Variants in DLGAP2 observed in about 807,000 individuals in gnomAD.
DLGAP2 encodes DLG associated protein 2.
DLGAP2 carries 26 observed loss-of-function variants against 100.3 expected under a neutral mutation model. The ratio of observed to expected loss-of-function variants is 0.26; its 90% confidence interval spans 0.19 to 0.36. DLGAP2 has a LOEUF of 0.36. DLGAP2 is among the 10% of genes least tolerant of loss of function. The pLI is 1.00. For synonymous variants in DLGAP2, 886 were observed against 630.1 expected (o/e 1.41, Z -6.08); for missense variants, 1,858 against 1,453.2 (o/e 1.28, Z -4.53).
intron 1 of DLGAP2, among the ~76,000 whole-genome samples, chr8:830,601 C>T (rs139282075): frequency 1.3e-3 from 192 of 152,228 alleles, no homozygotes; most frequent in Non-Finnish European, 1.9e-3. Context: ...ATTTAAGTTA[C>T]GGGTGCTACT....
At chr8:1,026,297 C>T (rs538811095) in intron 2 of DLGAP2, among the ~76,000 whole-genome samples, 3 of 152,208 alleles carry the variant, frequency 2.0e-5, no homozygotes, top group South Asian at 2.1e-4. Flanking sequence ...ATGACCCCAA[C>T]GCTTTGCTCT....
intron 2 of DLGAP2, among the ~76,000 whole-genome samples, chr8:1,110,399 TGAGGTGTGCATGGGTCTGA>T (rs1804915222): frequency 6.8e-6 from 1 of 148,098 alleles, no homozygotes; most frequent in Admixed American, 6.7e-5. Context: ...GCTGGATCTG[TGAGGTGTGCATGGGTCTGA>T]GAGGTGTGCA....
At chr8:1,460,149 C>A (rs756260042) in intron 3 of DLGAP2, among the ~76,000 whole-genome samples, 7 of 152,334 alleles carry the variant, frequency 4.6e-5, no homozygotes, top group Non-Finnish European at 7.3e-5. Context: ...TCTGTCCACA[C>A]CATGCTTCCT....
intron 2 of DLGAP2, among the ~76,000 whole-genome samples, chr8:1,238,257 CTCACATGGTACCGTGTCTAGT>C (rs1563272388): frequency 2.8e-4 from 16 of 57,066 alleles, no homozygotes; most frequent in African/African-American, 1.2e-3. Flanking sequence ...GTCTAGTTCT[CTCACATGGTACCGTGTCTAGT>C]TCTCTCACAT....
At chr8:1,665,347 A>T (rs914082782) in intron 8 of DLGAP2, among the ~76,000 whole-genome samples, 2 of 152,194 alleles carry the variant, frequency 1.3e-5, no homozygotes, top group African/African-American at 2.4e-5. Flanking sequence ...GCATTTGCTC[A>T]AATTTTCTGG....
chr8:1,218,075 T>C (rs1365727998), intron 2 of DLGAP2, among the ~76,000 whole-genome samples: 5 of 152,230 alleles, frequency 3.3e-5, no homozygotes, highest in African/African-American at 9.6e-5. Context: ...TAGTTTCTTT[T>C]TCTATGCAGA....
At chr8:1,683,376 A>T (rs1799008673) in intron 12 of DLGAP2, among the ~76,000 whole-genome samples, 1 of 151,548 alleles carries the variant, frequency 6.6e-6, no homozygotes, top group Admixed American at 6.6e-5. Flanking sequence ...CTTCCTCTGG[A>T]GGAAGATCTT....
At chr8:1,222,633 G>T (rs1036027840) in intron 2 of DLGAP2, among the ~76,000 whole-genome samples, 1 of 151,958 alleles carries the variant, frequency 6.6e-6, no homozygotes, top group Admixed American at 6.6e-5. Context: ...GCAGGTGGGT[G>T]TACACGGTGG....
intron 4 of DLGAP2, among the ~76,000 whole-genome samples, chr8:1,530,203 C>G (rs990102733): frequency 2.6e-5 from 4 of 152,148 alleles, no homozygotes; most frequent in African/African-American, 9.7e-5. Flanking sequence ...CCCCTACAGT[C>G]TCAACCACAG....
At chr8:970,472 T>C (rs886346869) in intron 2 of DLGAP2, among the ~76,000 whole-genome samples, 10 of 152,210 alleles carry the variant, frequency 6.6e-5, no homozygotes, top group African/African-American at 2.4e-4. Flanking sequence ...ATTCTTATCA[T>C]GACTTTCCCT....
At chr8:1,675,823 G>T (rs891844613) in intron 10 of DLGAP2, among the ~76,000 whole-genome samples, 1 of 151,116 alleles carries the variant, frequency 6.6e-6, no homozygotes, top group Admixed American at 6.6e-5. Context: ...ACTTGGTTTG[G>T]TTTTGTTTTT....
At chr8:1,113,566 G>A (rs1805025941) in intron 2 of DLGAP2, among the ~76,000 whole-genome samples, 1 of 152,132 alleles carries the variant, frequency 6.6e-6, no homozygotes, top group Non-Finnish European at 1.5e-5. Flanking sequence ...TGCAACTCTG[G>A]TTAAGTTGTT....
chr8:1,062,780 G>A (rs746542418), intron 2 of DLGAP2, among the ~76,000 whole-genome samples: 1 of 152,144 alleles, frequency 6.6e-6, no homozygotes, highest in Non-Finnish European at 1.5e-5. Flanking sequence ...CATCTTAATT[G>A]CCAGGAGGCT....
Position 1,697,131 on chromosome 8 carries a change from C to G in DLGAP2, c.2797-16C>G, listed in dbSNP as rs763473623. On this transcript the variant is annotated splice_polypyrimidine_tract_variant and intron_variant, in intron 13 of 14. Transcript: ENST00000637795. Reference sequence around the variant, plus strand: ...GGAGACTCTCCTGGCTCTGAACACCCTGTGTGTGTCCCCAGGACCCCAGCG... The same window carrying G: ...GGAGACTCTCCTGGCTCTGAACACCGTGTGTGTGTCCCCAGGACCCCAGCG... The G allele has an allele frequency of 5.2e-6, 8 of 1,551,324 alleles. 1 individual carries two copies. The highest frequency in any genetic ancestry group is 1.8e-4 in the Middle Eastern group (1 of 5,622).
chr8:1,040,256 ATGGTCAGCTCG>A (rs1802295026), intron 2 of DLGAP2, among the ~76,000 whole-genome samples: 1 of 70,770 alleles, frequency 1.4e-5, no homozygotes, highest in African/African-American at 5.4e-5. Flanking sequence ...CTCGGTTTCC[ATGGTCAGCTCG>A]GTGTGCGTGG....
chr8:1,417,601 G>T (rs1051854398), intron 3 of DLGAP2, among the ~76,000 whole-genome samples: 2 of 102,738 alleles, frequency 1.9e-5, no homozygotes, highest in East Asian at 2.8e-4. Context: ...TAAATAGGAG[G>T]CTCAGAAGGA....
Position 1,681,749 on chromosome 8 carries a change from A to G in DLGAP2, c.2704+3120A>G, listed in dbSNP as rs137947966. On this transcript the variant is annotated intron_variant, in intron 12 of 14. Transcript: ENST00000637795. ...GCAGACCTCATTAATGCTCATCCCA[A>G]TGGACTAGGTGAGTAGTATTGTAAG... 3.5e-3 allele frequency among the ~76,000 whole-genome samples: 535 copies of G among 152,316 alleles called. 3 individuals are homozygous for G. Among genetic ancestry groups the G allele is most frequent in the Middle Eastern group, 0.017 (5 of 294 alleles).
At chr8:1,411,932 G>A (rs970245927) in intron 3 of DLGAP2, among the ~76,000 whole-genome samples, 6 of 152,142 alleles carry the variant, frequency 3.9e-5, no homozygotes, top group African/African-American at 1.4e-4. Context: ...ATGCTTCCAC[G>A]CCAGTATCCT....
chr8:1,464,203 C>A (rs1267756386), intron 3 of DLGAP2, among the ~76,000 whole-genome samples: 2 of 151,474 alleles, frequency 1.3e-5, no homozygotes, highest in Admixed American at 6.6e-5. Context: ...CCTTCCAGGA[C>A]AACACCCTTC....
Sources: allele counts gnomAD v4.1 joint callset (sites outside exome capture counted in the v4.1 genomes callset), GRCh38; gene constraint gnomAD v4.1.1; transcripts MANE v1.5; gene names NCBI Gene and HGNC (gene_info 2026-07-23, HGNC 2026-07-21).